PTPRT: variants seen among roughly 807,000 people sequenced by gnomAD.
The protein encoded by PTPRT is protein tyrosine phosphatase receptor type T.
PTPRT carries 56 observed loss-of-function variants against 176.8 expected under a neutral mutation model. That is an observed-to-expected ratio of 0.32 (90% CI 0.26 to 0.40). The LOEUF is 0.40. PTPRT is among the 10% of genes least tolerant of loss of function. The pLI, the probability that PTPRT is intolerant of heterozygous loss-of-function variation, is 1.00. For synonymous variants in PTPRT, 783 were observed against 739.0 expected (o/e 1.06, Z -0.96); for missense variants, 1,540 against 1,908.2 (o/e 0.81, Z 3.60).
At chr20:42,859,593 T>A (rs1460639985) in intron 2 of PTPRT, among the ~76,000 whole-genome samples, 1 of 148,878 alleles carries the variant, frequency 6.7e-6, no homozygotes, top group Non-Finnish European at 1.5e-5. Flanking sequence ...TTAATTTTTT[T>A]TTTTTTTTGA....
intron 1 of PTPRT, among the ~76,000 whole-genome samples, chr20:43,079,457 C>A (rs376965354): frequency 7.9e-5 from 12 of 152,240 alleles, no homozygotes; most frequent in Middle Eastern, 3.4e-3. Context: ...TATTATTGCA[C>A]CTATGTTAAA....
chr20:43,120,504 C>T (rs1342994524), intron 1 of PTPRT, among the ~76,000 whole-genome samples: 1 of 152,182 alleles, frequency 6.6e-6, no homozygotes, highest in African/African-American at 2.4e-5. Context: ...ATCTCCTGAC[C>T]TCGTGATCCG....
At chr20:42,161,313 G>GA (rs1176911764) in intron 17 of PTPRT, 39 bp downstream of exon 17, 2 of 1,611,248 alleles carry the variant, frequency 1.2e-6, no homozygotes, top group Non-Finnish European at 1.7e-6. Context: ...ATAAGCCTCT[G>GA]AAACTATCAG....
chr20:42,302,005 G>T (rs1054105445), intron 12 of PTPRT, among the ~76,000 whole-genome samples: 2 of 152,108 alleles, frequency 1.3e-5, no homozygotes, highest in Non-Finnish European at 2.9e-5. Context: ...TACATATGGA[G>T]TATGTCATCA....
intron 18 of PTPRT, among the ~76,000 whole-genome samples, chr20:42,134,884 A>G (rs1380322607): frequency 2.6e-5 from 4 of 152,192 alleles, no homozygotes; most frequent in African/African-American, 9.7e-5. Flanking sequence ...TTTGGGACCT[A>G]CTTCTCTCTC....
At chr20:42,992,420 G>A (rs907305293) in intron 1 of PTPRT, among the ~76,000 whole-genome samples, 3 of 152,196 alleles carry the variant, frequency 2.0e-5, no homozygotes, top group African/African-American at 7.2e-5. Flanking sequence ...TCAGTCTATT[G>A]GTGCTCAGTC....
the PTPRT span, among the ~76,000 whole-genome samples, chr20:42,051,543 C>G: frequency 6.6e-6 from 1 of 152,128 alleles, no homozygotes; most frequent in Non-Finnish European, 1.5e-5. Flanking sequence ...TAGGCAGGTC[C>G]CCCAGTGAGG....
chr20:42,350,790 C>T (rs929071), intron 10 of PTPRT, 60 bp from the exon 11 acceptor site: 355,694 of 1,249,970 alleles, frequency 0.28, 61,471 homozygotes, highest in East Asian at 0.83. Context: ...GGCTCCCCAC[C>T]GCCCCTTGCT....
intron 2 of PTPRT, among the ~76,000 whole-genome samples, chr20:42,815,341 C>T (rs1272357831): frequency 2.0e-5 from 3 of 152,162 alleles, no homozygotes; most frequent in East Asian, 3.9e-4. Flanking sequence ...AGGAGCTTAG[C>T]GTTTGTCAGA....
At chr20:43,187,108 T>C (rs1600783563) in intron 1 of PTPRT, among the ~76,000 whole-genome samples, 2 of 152,292 alleles carry the variant, frequency 1.3e-5, no homozygotes, top group African/African-American at 4.8e-5. Flanking sequence ...AAAAAGGAAA[T>C]TGCCTTTTGA....
chr20:42,396,464 A>G (rs1330558886), intron 9 of PTPRT, among the ~76,000 whole-genome samples: 1 of 151,116 alleles, frequency 6.6e-6, no homozygotes, highest in Admixed American at 6.6e-5. Context: ...CATTTAAACA[A>G]AAAGCCAAAT....
intron 1 of PTPRT, among the ~76,000 whole-genome samples, chr20:43,061,890 G>A (rs543435567): frequency 4.6e-5 from 7 of 152,272 alleles, no homozygotes; most frequent in African/African-American, 1.7e-4. Context: ...AACATACAAA[G>A]CAGGAGTTCA....
At chr20:43,019,586 T>C (rs1194658082) in intron 1 of PTPRT, among the ~76,000 whole-genome samples, 1 of 136,960 alleles carries the variant, frequency 7.3e-6, no homozygotes, top group Non-Finnish European at 1.5e-5. Flanking sequence ...ACCACTGCAC[T>C]CCAGCCTGGC....
At chr20:42,343,804 T>C (rs534092443) in intron 11 of PTPRT, among the ~76,000 whole-genome samples, 20 of 152,368 alleles carry the variant, frequency 1.3e-4, no homozygotes, top group South Asian at 1.0e-3. Flanking sequence ...CAGATAGGCA[T>C]TGGCTTGCAG....
At chr20:42,983,990 T>C (rs1688586670) in intron 1 of PTPRT, among the ~76,000 whole-genome samples, 1 of 152,212 alleles carries the variant, frequency 6.6e-6, no homozygotes, top group African/African-American at 2.4e-5. Context: ...TGGTCAGGTC[T>C]ACCATGCCCA....
chr20:42,081,950 T>A lies in PTPRT; in HGVS notation c.4204A>T (p.Asn1402Tyr), dbSNP rs767215655. The A allele has an allele frequency of 2.5e-6, 4 of 1,614,100 alleles. No individual in the cohort carries two copies. The highest frequency in any genetic ancestry group is 1.7e-5 in the Admixed American group (1 of 60,008). ...CSVCEMIQQQ[N>Y]IIDVFHIVKT... is the part of the protein sequence containing the mutation. The stretch of plus-strand genomic sequence containing the variant: ...ACGATGTGGAACACGTCAATGATGT[T>A]TTGCTGCTGGATCATCTCACACACA... Residue 1402 changes from asparagine to tyrosine, a missense_variant, in exon 30 of 31, where the codon AAC becomes TAC. Around this residue, in one of 11 missense-constraint regions of PTPRT, gnomAD observed 342 missense variants for 394.0 expected, o/e 0.87. Transcript: ENST00000373187.
intron 26 of PTPRT, among the ~76,000 whole-genome samples, chr20:42,100,224 C>A (rs543129753): frequency 6.6e-6 from 1 of 152,188 alleles, no homozygotes; most frequent in Non-Finnish European, 1.5e-5. Context: ...TAGGCCAGCA[C>A]GCCTGACAAA....
chr20:42,489,325 TGAGAAGATATCA>T (rs1242991324), intron 7 of PTPRT, among the ~76,000 whole-genome samples: 2 of 152,058 alleles, frequency 1.3e-5, no homozygotes, highest in African/African-American at 4.8e-5. Flanking sequence ...CAGTGATAAG[TGAGAAGATATCA>T]CCTGTCACTT....
chr20:43,078,395 C>T (rs948510380), intron 1 of PTPRT, among the ~76,000 whole-genome samples: 8 of 152,118 alleles, frequency 5.3e-5, no homozygotes, highest in Admixed American at 3.3e-4. Flanking sequence ...TATTGGTGAC[C>T]GAACACAGCC....
Sources: gnomAD v4.1 joint callset for allele counts (sites outside exome capture counted in the v4.1 genomes callset) on GRCh38, gnomAD v4.1.1 for gene constraint, gnomAD v4.1.1 regional missense constraint, MANE v1.5 for transcripts, NCBI Gene and HGNC (gene_info 2026-07-23, HGNC 2026-07-21) for gene names.